RAB31: variants seen among roughly 807,000 people sequenced by gnomAD.
RAB31 encodes the protein RAB31, member RAS oncogene family, also known as ras-related protein Rab-31.
A neutral mutation model predicts 25.6 loss-of-function variants in RAB31; 21 were observed. The observed-to-expected ratio is 0.82, with a 90% CI of 0.58 to 1.18. RAB31 has a LOEUF of 1.18. Ranked by LOEUF, RAB31 falls within the 50% of genes most tolerant of loss-of-function variation. The pLI is 0.00. For synonymous variants in RAB31, 87 were observed against 84.0 expected, an observed-to-expected ratio of 1.04 and a Z score of -0.20; for missense variants, 196 against 250.1, an observed-to-expected ratio of 0.78 and a Z score of 1.46.
At chr18:9,843,904 T>A (rs375305876) in intron 5 of RAB31, among the ~76,000 whole-genome samples, 47 of 152,308 alleles carry the variant, frequency 3.1e-4, no homozygotes, top group African/African-American at 1.0e-3. Flanking sequence ...CCCATAGGAA[T>A]TTGAATGCCA....
At chr18:9,803,109 C>T (rs2068522019) in intron 3 of RAB31, among the ~76,000 whole-genome samples, 3 of 152,194 alleles carry the variant, frequency 2.0e-5, no homozygotes, top group Admixed American at 2.0e-4. Context: ...TGCACCATCC[C>T]CACCAGCCCA....
intron 3 of RAB31, among the ~76,000 whole-genome samples, chr18:9,798,120 G>A (rs1190166294): frequency 1.3e-5 from 2 of 152,226 alleles, no homozygotes; most frequent in Admixed American, 6.5e-5. Context: ...CCACAGTAGG[G>A]ATATTCTTTC....
At chr18:9,782,104 TC>T (rs2068407877) in intron 2 of RAB31, among the ~76,000 whole-genome samples, 1 of 151,172 alleles carries the variant, frequency 6.6e-6, no homozygotes, top group Non-Finnish European at 1.5e-5. Context: ...TGGCCAGGCC[TC>T]CCGGCTTCAT....
At chr18:9,838,948 C>T (rs2068718652) in intron 5 of RAB31, among the ~76,000 whole-genome samples, 1 of 152,210 alleles carries the variant, frequency 6.6e-6, no homozygotes, top group African/African-American at 2.4e-5. Flanking sequence ...CTACCCACTC[C>T]TCCTTTCTGC....
chr18:9,734,675 G>T (rs1175179224), intron 1 of RAB31, among the ~76,000 whole-genome samples: 1 of 152,362 alleles, frequency 6.6e-6, no homozygotes, highest in East Asian at 1.9e-4. Context: ...GGAGCAGTGG[G>T]GTGGGGAAGG....
intron 1 of RAB31, among the ~76,000 whole-genome samples, chr18:9,713,699 G>A (rs1461676981): frequency 6.6e-6 from 1 of 152,142 alleles, no homozygotes; most frequent in African/African-American, 2.4e-5. Flanking sequence ...CTTAATTTGA[G>A]CTGCTGTCAC....
intron 6 of RAB31, among the ~76,000 whole-genome samples, chr18:9,852,575 T>C (rs567638278): frequency 6.6e-6 from 1 of 151,854 alleles, no homozygotes; most frequent in African/African-American, 2.4e-5. Context: ...TAAGACAATA[T>C]GGATTTTGCT....
intron 2 of RAB31, among the ~76,000 whole-genome samples, chr18:9,784,938 A>AGTAT (rs1486429247): frequency 6.6e-6 from 1 of 152,192 alleles, no homozygotes; most frequent in Admixed American, 6.5e-5. Context: ...ATTTAGATAG[A>AGTAT]GTATGATCAA....
intron 3 of RAB31, among the ~76,000 whole-genome samples, chr18:9,793,389 G>C (rs1466939519): frequency 6.6e-6 from 1 of 152,170 alleles, no homozygotes; most frequent in Non-Finnish European, 1.5e-5. Context: ...GAGGCCGGAC[G>C]CGGTGGCTCA....
At chr18:9,836,511 G>A (rs185702164) in intron 5 of RAB31, among the ~76,000 whole-genome samples, 1 of 152,272 alleles carries the variant, frequency 6.6e-6, no homozygotes, top group East Asian at 1.9e-4. Flanking sequence ...ATTATGAATT[G>A]GATAGAGTGA....
intron 3 of RAB31, among the ~76,000 whole-genome samples, chr18:9,804,452 A>T (rs2068529781): frequency 6.6e-6 from 1 of 152,206 alleles, no homozygotes; most frequent in African/African-American, 2.4e-5. Context: ...GCCAAAACAC[A>T]GAGCCGCTGA....
At chr18:9,783,385 C>G (rs978077326) in intron 2 of RAB31, among the ~76,000 whole-genome samples, 2 of 152,140 alleles carry the variant, frequency 1.3e-5, no homozygotes, top group Non-Finnish European at 2.9e-5. Context: ...CCCCCCTTAC[C>G]TGCACTGTGG....
intron 1 of RAB31, among the ~76,000 whole-genome samples, chr18:9,724,284 A>C (rs1415823612): frequency 2.0e-4 from 24 of 120,700 alleles, no homozygotes; most frequent in African/African-American, 5.3e-4. Flanking sequence ...AAAAAAAAAA[A>C]AAACAAAAAA....
chr18:9,805,078 T>A (rs2068533174), intron 3 of RAB31, among the ~76,000 whole-genome samples: 1 of 150,890 alleles, frequency 6.6e-6, no homozygotes, highest in Non-Finnish European at 1.5e-5. Flanking sequence ...ATAATGAGAC[T>A]CCCATCTCTA....
chr18:9,847,245 A>T (rs1012525686), intron 6 of RAB31, among the ~76,000 whole-genome samples: 3 of 152,236 alleles, frequency 2.0e-5, no homozygotes, highest in African/African-American at 7.2e-5. Flanking sequence ...ATGCTCAGCT[A>T]TGAAACATTT....
At chr18:9,718,688 C>A (rs1443505315) in intron 1 of RAB31, among the ~76,000 whole-genome samples, 1 of 152,150 alleles carries the variant, frequency 6.6e-6, no homozygotes, top group Non-Finnish European at 1.5e-5. Context: ...AAATGTATTT[C>A]CTTCAGTTCT....
intron 1 of RAB31, among the ~76,000 whole-genome samples, chr18:9,756,981 GCTGA>G (rs2068263230): frequency 6.6e-6 from 1 of 152,196 alleles, no homozygotes; most frequent in South Asian, 2.1e-4. Context: ...TATGGGTTTA[GCTGA>G]CATGCTCCTA....
intron 1 of RAB31, among the ~76,000 whole-genome samples, chr18:9,744,137 T>A (rs1043467465): frequency 1.3e-5 from 2 of 152,232 alleles, no homozygotes; most frequent in African/African-American, 4.8e-5. Context: ...AGGAGGAAAT[T>A]TGGAATTAGC....
At chr18:9,748,287 A>G (rs2068215586) in intron 1 of RAB31, among the ~76,000 whole-genome samples, 1 of 152,160 alleles carries the variant, frequency 6.6e-6, no homozygotes, top group Non-Finnish European at 1.5e-5. Context: ...GCTTGAGCAC[A>G]GGAGTTGGAG....
Sources: allele counts gnomAD v4.1 joint callset (sites outside exome capture counted in the v4.1 genomes callset), GRCh38; gene constraint gnomAD v4.1.1; transcripts MANE v1.5; gene names NCBI Gene and HGNC (gene_info 2026-07-23, HGNC 2026-07-21).